Variants in NRG3 observed in about 807,000 individuals in gnomAD.
NRG3 encodes the protein pro-neuregulin-3, membrane-bound isoform.
NRG3 carries 31 observed loss-of-function variants against 66.9 expected under a neutral mutation model. The ratio of observed to expected loss-of-function variants is 0.46; its 90% CI spans 0.35 to 0.63. NRG3 has a LOEUF of 0.63. Ranked by LOEUF, NRG3 falls within the 20% of genes least tolerant of loss-of-function variation. The pLI, the probability that NRG3 is intolerant of heterozygous loss-of-function variation, is 0.00. For missense variants in NRG3, 910 were observed against 878.9 expected, an observed-to-expected ratio of 1.04 and a Z score of -0.45; for synonymous variants, 393 against 359.4, an observed-to-expected ratio of 1.09 and a Z score of -1.06.
intron 5 of NRG3, among the ~76,000 whole-genome samples, chr10:82,956,012 G>A (rs550926527): frequency 1.3e-5 from 2 of 151,908 alleles, no homozygotes; most frequent in African/African-American, 4.9e-5. Context: ...CTTCTCCCCA[G>A]CCCAATTCTG....
intron 2 of NRG3, among the ~76,000 whole-genome samples, chr10:82,539,532 G>T (rs1200596052): frequency 6.6e-6 from 1 of 152,102 alleles, no homozygotes; most frequent in African/African-American, 2.4e-5. Flanking sequence ...GACAGTCCTT[G>T]GATGATATCT....
At chr10:82,597,571 A>G (rs562900376) in intron 2 of NRG3, among the ~76,000 whole-genome samples, 3 of 152,250 alleles carry the variant, frequency 2.0e-5, no homozygotes, top group Admixed American at 6.5e-5. Context: ...AATTTCATGT[A>G]ATTTGCTACT....
intron 2 of NRG3, among the ~76,000 whole-genome samples, chr10:82,443,784 C>T (rs112158610): frequency 1.4e-3 from 218 of 152,306 alleles, no homozygotes; most frequent in African/African-American, 4.9e-3. Flanking sequence ...AATATCTGTG[C>T]TCTAGCTCAA....
intron 4 of NRG3, among the ~76,000 whole-genome samples, chr10:82,950,745 A>G (rs1849443999): frequency 6.6e-6 from 1 of 152,234 alleles, no homozygotes; most frequent in Admixed American, 6.5e-5. Context: ...CAAAGTCTTG[A>G]TGAGATGGAA....
At chr10:82,324,850 T>C (rs537565641) in intron 1 of NRG3, among the ~76,000 whole-genome samples, 46 of 152,300 alleles carry the variant, frequency 3.0e-4, no homozygotes, top group Non-Finnish European at 6.2e-4. Flanking sequence ...CTAGTAAATG[T>C]GGCATGCACA....
intron 3 of NRG3, among the ~76,000 whole-genome samples, chr10:82,810,726 G>A (rs1410660635): frequency 7.2e-6 from 1 of 139,076 alleles, no homozygotes; most frequent in Non-Finnish European, 1.5e-5. Context: ...TCGCACCACT[G>A]CACTCCAGCC....
rs530866107 is a variant in NRG3 at position 82,954,948 on chromosome 10, C to G, written c.1157+3377C>G. 6.6e-5 allele frequency among the ~76,000 whole-genome samples: 10 copies of G among 151,886 alleles called. No homozygotes were observed. In the South Asian group the frequency reaches 2.1e-3, roughly 32 times the overall value. ...AGTTTATATGCATATACATTTTTTA[C>G]TTTAGCTTAGAAGCCCCAAGTCTTC... On this transcript the variant is annotated intron_variant, in intron 5 of 8. Coordinates refer to ENST00000372141, the MANE Select transcript of NRG3 (RefSeq NM_001010848.4).
chr10:81,908,523 A>G (rs1844810311), intron 1 of NRG3, among the ~76,000 whole-genome samples: 1 of 152,216 alleles, frequency 6.6e-6, no homozygotes, highest in African/African-American at 2.4e-5. Flanking sequence ...TGATTCTGTT[A>G]GAAGCTGATT....
intron 1 of NRG3, among the ~76,000 whole-genome samples, chr10:82,349,603 C>T: frequency 6.6e-6 from 1 of 152,054 alleles, no homozygotes; most frequent in Non-Finnish European, 1.5e-5. Flanking sequence ...CCAGTTCGAG[C>T]TTCCCGGCTG....
intron 1 of NRG3, among the ~76,000 whole-genome samples, chr10:82,017,302 T>C (rs1412884389): frequency 6.6e-6 from 1 of 152,220 alleles, no homozygotes; most frequent in Non-Finnish European, 1.5e-5. Context: ...CCATGGTGTA[T>C]ATGTGCCACA....
At position 82,978,912 on chromosome 10, in the gene NRG3, T is replaced by C. The variant is rs771876173; in HGVS notation, c.1413-38T>C. 3.5e-5 allele frequency: 55 copies of C among 1,593,748 alleles called. No individual in the cohort carries two copies. In the Admixed American group the frequency reaches 4.1e-4, roughly 12 times the overall value. On this transcript the variant is annotated intron_variant, in intron 7 of 8. Coordinates refer to ENST00000372141, the MANE Select transcript of NRG3 (RefSeq NM_001010848.4). ...GTGAGGTTATTGCTATGATGTCTTT[T>C]GTTTGTTTGTTTGTCTGTTTTCATT...
intron 4 of NRG3, among the ~76,000 whole-genome samples, chr10:82,896,120 G>T (rs1843641156): frequency 6.6e-6 from 1 of 152,166 alleles, no homozygotes; most frequent in African/African-American, 2.4e-5. Context: ...TGATTTGGGG[G>T]TTTGCAAGTA....
chr10:81,911,849 G>T (rs563516970), intron 1 of NRG3, among the ~76,000 whole-genome samples: 2 of 151,970 alleles, frequency 1.3e-5, no homozygotes, highest in South Asian at 4.2e-4. Context: ...AACAAAGAAA[G>T]AACCTAAACA....
intron 1 of NRG3, among the ~76,000 whole-genome samples, chr10:81,997,797 T>C (rs970481970): frequency 6.6e-6 from 1 of 152,052 alleles, no homozygotes. Flanking sequence ...TTGTACGTAA[T>C]GTCTCCCTAG....
chr10:82,315,669 T>TG (rs958150138), intron 1 of NRG3, among the ~76,000 whole-genome samples: 3 of 147,122 alleles, frequency 2.0e-5, no homozygotes, highest in African/African-American at 7.6e-5. Context: ...CGTTTGTTGT[T>TG]TTTTTTTTTT....
chr10:81,930,195 C>T (rs1168438444), intron 1 of NRG3, among the ~76,000 whole-genome samples: 3 of 152,136 alleles, frequency 2.0e-5, no homozygotes, highest in African/African-American at 4.8e-5. Context: ...CAAACTGGTA[C>T]ACTGCAATTC....
chr10:82,406,279 C>A (rs1214313637), intron 2 of NRG3, among the ~76,000 whole-genome samples: 1 of 152,148 alleles, frequency 6.6e-6, no homozygotes, highest in East Asian at 1.9e-4. Flanking sequence ...TAACTAAATT[C>A]TCTGATAAAT....
At chr10:82,912,057 A>G (rs1845374690) in intron 4 of NRG3, among the ~76,000 whole-genome samples, 1 of 152,156 alleles carries the variant, frequency 6.6e-6, no homozygotes, top group South Asian at 2.1e-4. Context: ...TATGATTTAT[A>G]TAATTTTCAT....
At chr10:82,464,371 A>G (rs1222839386) in intron 2 of NRG3, among the ~76,000 whole-genome samples, 2 of 152,222 alleles carry the variant, frequency 1.3e-5, no homozygotes, top group African/African-American at 4.8e-5. Context: ...AGAAGCACCG[A>G]GTGCATTTGC....
Sources: gnomAD v4.1 joint callset for allele counts (sites outside exome capture counted in the v4.1 genomes callset) on GRCh38, gnomAD v4.1.1 for gene constraint, MANE v1.5 for transcripts, NCBI Gene and HGNC (gene_info 2026-07-23, HGNC 2026-07-21) for gene names.